OSBPL3: variants seen among roughly 807,000 people sequenced by gnomAD.
OSBPL3 encodes oxysterol binding protein like 3.
A neutral mutation model predicts 120.1 loss-of-function variants in OSBPL3; 65 were observed. That is an observed-to-expected ratio of 0.54 (90% CI 0.44 to 0.67). The LOEUF (loss-of-function observed/expected upper bound fraction) is 0.67. Ranked by LOEUF, OSBPL3 falls within the 30% of genes least tolerant of loss-of-function variation. The pLI, the probability that OSBPL3 is intolerant of heterozygous loss-of-function variation, is 0.00. For synonymous variants in OSBPL3, 416 were observed against 402.6 expected (o/e 1.03, Z -0.40); for missense variants, 1,004 against 1,082.1 (o/e 0.93, Z 1.01).
intron 2 of OSBPL3, among the ~76,000 whole-genome samples, chr7:24,885,793 A>G (rs1804440923): frequency 6.6e-6 from 1 of 152,194 alleles, no homozygotes; most frequent in Non-Finnish European, 1.5e-5. Flanking sequence ...GGGCCTTTTA[A>G]TAACAGGCTC....
At chr7:24,848,962 T>A in intron 12 of OSBPL3, 107 bp downstream of exon 12, 2 of 748,536 alleles carry the variant, frequency 2.7e-6, no homozygotes, top group Non-Finnish European at 4.7e-6. Context: ...GGCAGAGAGG[T>A]GGACAGCACC....
In OSBPL3 at chr7:24,932,777, A is replaced by G. The variant is rs1811941613; in HGVS notation, c.-149-40156T>C. 6.6e-6 allele frequency among the ~76,000 whole-genome samples: 1 copy of G among 152,220 alleles called. No homozygotes were observed. The highest frequency in any genetic ancestry group is 2.4e-5 in the African/African-American group (1 of 41,456). On this transcript the variant is annotated intron_variant, in intron 1 of 22. Transcript: ENST00000313367. This position sits in a 1 kb window ranked among gnomAD's most constrained non-coding sequence, Gnocchi z 5.6. ...TATGCTATTTTGTTAGAGCAGCCCA[A>G]ATGGACTAAGACAGGGGCAAAGACC...
chr7:24,853,862 T>C (rs1212642834), intron 10 of OSBPL3, among the ~76,000 whole-genome samples: 1 of 152,216 alleles, frequency 6.6e-6, no homozygotes, highest in Middle Eastern at 3.2e-3. Context: ...AACTTTTCTG[T>C]AAGTTTGTAA....
rs1792532943 is a variant in OSBPL3, at chr7:24,802,770, G to C, written c.2567+1545C>G. Among the ~76,000 whole-genome samples the C allele has an allele frequency of 6.6e-6, 1 of 152,054 alleles. No homozygotes were observed. Among genetic ancestry groups the C allele is most frequent in the South Asian group, 2.1e-4 (1 of 4,818 alleles). On this transcript the variant is annotated intron_variant, in intron 22 of 22. Transcript: ENST00000313367. This position sits in a 1 kb window ranked among gnomAD's most constrained non-coding sequence, Gnocchi z 4.1. ...AAAAAATGAAAATAGACAATGTATGGAAGAAAAAGAACCAACCTACTTAAG... is the reference window on the plus strand; with the variant it reads ...AAAAAATGAAAATAGACAATGTATGCAAGAAAAAGAACCAACCTACTTAAG...
At chr7:24,836,658 A>G (rs917140522) in intron 14 of OSBPL3, among the ~76,000 whole-genome samples, 6 of 152,092 alleles carry the variant, frequency 3.9e-5, no homozygotes, top group Admixed American at 2.6e-4. Context: ...ATATCAATAA[A>G]CATACTTTGT....
chr7:24,840,803 A>G lies in OSBPL3; in HGVS notation c.1402-20T>C, dbSNP rs373108438. Reference sequence around the variant, plus strand: ...AGAAATCTATGGGAAAGAAGAAATAACATTCATTAGAGTTAGAATAAACAA... The same window carrying G: ...AGAAATCTATGGGAAAGAAGAAATAGCATTCATTAGAGTTAGAATAAACAA... On this transcript the variant is annotated intron_variant, in intron 13 of 22. Transcript: ENST00000313367. 2.7e-6 allele frequency: 3 copies of G among 1,107,382 alleles called. No individual in the cohort carries two copies. The highest frequency in any genetic ancestry group is 4.0e-6 in the Non-Finnish European group (3 of 750,364). 68.6% of individuals were successfully genotyped at this position (1,107,382 alleles called of 1,614,324 possible).
intron 1 of OSBPL3, among the ~76,000 whole-genome samples, chr7:24,921,365 A>G (rs1482448722): frequency 6.6e-6 from 1 of 152,256 alleles, no homozygotes; most frequent in Admixed American, 6.5e-5. Context: ...AGACAAAAGA[A>G]CAACATGAAT....
intron 1 of OSBPL3, among the ~76,000 whole-genome samples, chr7:24,958,056 C>T (rs1815284555): frequency 1.3e-5 from 2 of 152,102 alleles, no homozygotes; most frequent in African/African-American, 4.8e-5. Context: ...ATCTTTTGCT[C>T]ACATATAAGC....
chr7:24,976,994 A>G (rs1817658958), intron 1 of OSBPL3, among the ~76,000 whole-genome samples: 2 of 152,318 alleles, frequency 1.3e-5, no homozygotes, highest in South Asian at 2.1e-4. Flanking sequence ...GTAAGAGTAG[A>G]GAGTTGAAAT....
At chr7:24,969,950 A>C (rs750557686) in intron 1 of OSBPL3, among the ~76,000 whole-genome samples, 10 of 151,966 alleles carry the variant, frequency 6.6e-5, no homozygotes, top group Admixed American at 3.3e-4. Context: ...CTTGGGCCCT[A>C]ATCTACCTCT....
At chr7:24,971,065 T>C (rs1426099446) in intron 1 of OSBPL3, among the ~76,000 whole-genome samples, 1 of 152,258 alleles carries the variant, frequency 6.6e-6, no homozygotes, top group Admixed American at 6.5e-5. Flanking sequence ...CTGTCTACCC[T>C]GTCCAGCTCA....
intron 1 of OSBPL3, among the ~76,000 whole-genome samples, chr7:24,948,064 T>C (rs777118206): frequency 6.6e-5 from 10 of 152,114 alleles, no homozygotes; most frequent in East Asian, 1.9e-4. Flanking sequence ...CAGACCTATA[T>C]AGAAATCCCT....
intron 1 of OSBPL3, among the ~76,000 whole-genome samples, chr7:24,904,849 G>A (rs920641159): frequency 6.6e-6 from 1 of 151,758 alleles, no homozygotes; most frequent in African/African-American, 2.4e-5. Context: ...GGGCTGGGGG[G>A]AGGGGAGAAT....
chr7:24,933,548 A>C lies in OSBPL3; in HGVS notation c.-149-40927T>G, dbSNP rs573043993. On this transcript the variant is annotated intron_variant, in intron 1 of 22. Coordinates refer to ENST00000313367, the MANE Select transcript of OSBPL3 (RefSeq NM_015550.4). The surrounding 1 kb of genome is among the most constrained non-coding windows in gnomAD (Gnocchi z 5.1). ...CTCAAGCTAGTCTAAACCCCAAACA[A>C]GATTCACCCTACCATGCAAAACACT... Among the ~76,000 whole-genome samples the C allele has an allele frequency of 6.6e-6, 1 of 152,350 alleles. No homozygotes were observed. Among genetic ancestry groups the C allele is most frequent in the East Asian group, 1.9e-4 (1 of 5,192 alleles).
At position 24,904,918 on chromosome 7, in the gene OSBPL3, G is replaced by GGTGTGTGTGTGTGTGTGT. The variant is rs67222925; in HGVS notation, c.-149-12315_-149-12298dup. On this transcript the variant is annotated intron_variant, in intron 1 of 22. Coordinates refer to ENST00000313367, the MANE Select transcript of OSBPL3 (RefSeq NM_015550.4). ...TGAAGTGTTCTGATCATAATATACA[G>GGTGTGTGTGTGTGTGTGT]GTGTGTGTGTGTGTGTGTGTGTGTG... Among the ~76,000 whole-genome samples the GGTGTGTGTGTGTGTGTGT allele has an allele frequency of 4.8e-3, 637 of 132,930 alleles. 5 individuals carry two copies. The highest frequency in any genetic ancestry group is 0.013 in the South Asian group (47 of 3,546). 87.2% of individuals were successfully genotyped at this position (132,930 alleles called of 152,430 possible).
chr7:24,813,410 T>C lies in OSBPL3; in HGVS notation c.2172+1649A>G, dbSNP rs1299700668. On this transcript the variant is annotated intron_variant, in intron 19 of 22. Coordinates refer to ENST00000313367, the MANE Select transcript of OSBPL3 (RefSeq NM_015550.4). This position sits in a 1 kb window ranked among gnomAD's most constrained non-coding sequence, Gnocchi z 4.5. ...GAATGAGAACAAGGTAGGTGGTAGATATGGGAGTGGAGCATGTTTCCTTGC... is the reference window on the plus strand; with the variant it reads ...GAATGAGAACAAGGTAGGTGGTAGACATGGGAGTGGAGCATGTTTCCTTGC... Among the ~76,000 whole-genome samples, 1 of 152,170 alleles carries C rather than the reference T, an allele frequency of 6.6e-6. No homozygotes were observed. Among genetic ancestry groups the C allele is most frequent in the East Asian group, 1.9e-4 (1 of 5,206 alleles).
rs1034077855 is a variant in OSBPL3, at chr7:24,899,175, C to A, written c.-149-6554G>T. 1.3e-5 allele frequency among the ~76,000 whole-genome samples: 2 copies of A among 152,114 alleles called. No individual in the cohort carries two copies. Among genetic ancestry groups the A allele is most frequent in the Non-Finnish European group, 2.9e-5 (2 of 68,020 alleles). On this transcript the variant is annotated intron_variant, in intron 1 of 22. Coordinates refer to ENST00000313367, the MANE Select transcript of OSBPL3 (RefSeq NM_015550.4). The surrounding 1 kb of genome is among the most constrained non-coding windows in gnomAD (Gnocchi z 4.0). ...ATCCCAGATGTTCAACTTTGATCACCCTTCAATTTGTGCTTCTCTAACAGT... is the reference window on the plus strand; with the variant it reads ...ATCCCAGATGTTCAACTTTGATCACACTTCAATTTGTGCTTCTCTAACAGT...
chr7:24,979,681 G>C (rs1335530906), intron 1 of OSBPL3, among the ~76,000 whole-genome samples: 9 of 152,230 alleles, frequency 5.9e-5, no homozygotes, highest in Non-Finnish European at 1.3e-4. Flanking sequence ...TGAGACCCGG[G>C]TCCTCCTTCC....
rs1358555108 is a variant in OSBPL3 at position 24,972,727 on chromosome 7, TAC to T, written c.-150+7157_-150+7158del. Among the ~76,000 whole-genome samples the T allele has an allele frequency of 3.3e-5, 5 of 152,210 alleles. No individual in the cohort carries two copies. Among genetic ancestry groups the T allele is most frequent in the East Asian group, 3.9e-4 (2 of 5,194 alleles). ...TAAAAAATATATACATACATAAATATACACACACATATATATACATATATGTA... is the reference window on the plus strand; with the variant it reads ...TAAAAAATATATACATACATAAATATACACACATATATATACATATATGTA... On this transcript the variant is annotated intron_variant, in intron 1 of 22. Transcript: ENST00000313367. This position sits in a 1 kb window ranked among gnomAD's most constrained non-coding sequence, Gnocchi z 4.3.
Sources: gnomAD v4.1 joint callset for allele counts (sites outside exome capture counted in the v4.1 genomes callset) on GRCh38, gnomAD v4.1.1 for gene constraint, Gnocchi (gnomAD v3.1) non-coding constraint, MANE v1.5 for transcripts, NCBI Gene and HGNC (gene_info 2026-07-23, HGNC 2026-07-21) for gene names.